Variants in CNTNAP5 observed in about 807,000 individuals in gnomAD.
CNTNAP5 encodes the protein contactin associated protein family member 5.
CNTNAP5 carries 72 observed loss-of-function variants against 150.2 expected under a neutral mutation model. The ratio of observed to expected loss-of-function variants is 0.48; its 90% CI spans 0.40 to 0.58. The LOEUF is 0.58. Among genes scored for constraint, CNTNAP5 ranks in the 20% least tolerant of loss-of-function variants. The pLI is 0.00. For synonymous variants in CNTNAP5, 672 were observed against 619.8 expected (o/e 1.08, Z -1.25); for missense variants, 1,636 against 1,626.2 (o/e 1.01, Z -0.10).
intron 8 of CNTNAP5, among the ~76,000 whole-genome samples, chr2:124,510,518 T>TAC (rs1553474715): frequency 1.2e-3 from 153 of 124,872 alleles, no homozygotes; most frequent in Admixed American, 2.2e-3. Context: ...TATATATATA[T>TAC]ACATATATCT....
chr2:124,529,015 G>T (rs932285476), intron 10 of CNTNAP5, among the ~76,000 whole-genome samples: 5 of 151,610 alleles, frequency 3.3e-5, no homozygotes, highest in Non-Finnish European at 5.9e-5. Context: ...ACTATGCATG[G>T]GATCATCAAC....
intron 10 of CNTNAP5, among the ~76,000 whole-genome samples, chr2:124,550,817 A>G (rs1695611532): frequency 6.6e-6 from 1 of 152,084 alleles, no homozygotes; most frequent in Non-Finnish European, 1.5e-5. Flanking sequence ...TCCTTTGTGA[A>G]TTTTTTGATA....
At chr2:124,479,956 G>T (rs910160691) in intron 7 of CNTNAP5, among the ~76,000 whole-genome samples, 1 of 152,112 alleles carries the variant, frequency 6.6e-6, no homozygotes, top group South Asian at 2.1e-4. Context: ...GCAGTGCATG[G>T]TACACACTAA....
chr2:124,307,845 A>G (rs868249800), intron 3 of CNTNAP5, among the ~76,000 whole-genome samples: 20 of 152,324 alleles, frequency 1.3e-4, no homozygotes, highest in Middle Eastern at 3.4e-3. Flanking sequence ...CCATAGCTTT[A>G]CCAGAGTCTT....
intron 19 of CNTNAP5, among the ~76,000 whole-genome samples, chr2:124,827,891 A>G (rs1393392907): frequency 6.6e-6 from 1 of 152,070 alleles, no homozygotes; most frequent in Admixed American, 6.6e-5. Context: ...GTTTTCTTGG[A>G]CCAAGGCTCT....
chr2:124,671,226 A>G (rs1306008215), intron 13 of CNTNAP5, among the ~76,000 whole-genome samples: 1 of 152,232 alleles, frequency 6.6e-6, no homozygotes, highest in Non-Finnish European at 1.5e-5. Context: ...TGTTAAGCTA[A>G]GCATAGGCAT....
chr2:124,434,987 A>C (rs926884246), intron 5 of CNTNAP5, among the ~76,000 whole-genome samples: 6 of 152,198 alleles, frequency 3.9e-5, no homozygotes, highest in African/African-American at 1.4e-4. Flanking sequence ...AAGTATATAC[A>C]CATATTATAA....
intron 19 of CNTNAP5, among the ~76,000 whole-genome samples, chr2:124,824,349 C>A (rs1573641655): frequency 6.6e-6 from 1 of 152,178 alleles, no homozygotes; most frequent in Middle Eastern, 3.4e-3. Flanking sequence ...GCTGCTTATT[C>A]CTCTGCTGTA....
At chr2:124,297,386 A>T (rs932636111) in intron 3 of CNTNAP5, among the ~76,000 whole-genome samples, 13 of 152,148 alleles carry the variant, frequency 8.5e-5, no homozygotes, top group African/African-American at 2.9e-4. Context: ...AATGCACAGG[A>T]ATGATACACC....
At chr2:124,092,247 A>G (rs550242171) in intron 1 of CNTNAP5, among the ~76,000 whole-genome samples, 1 of 152,316 alleles carries the variant, frequency 6.6e-6, no homozygotes, top group South Asian at 2.1e-4. Flanking sequence ...CCAGAGTTAC[A>G]TTTCTGTGGG....
intron 1 of CNTNAP5, among the ~76,000 whole-genome samples, chr2:124,051,585 C>T (rs1681696460): frequency 6.6e-6 from 1 of 152,188 alleles, no homozygotes; most frequent in South Asian, 2.1e-4. Context: ...AAATTATACG[C>T]TTTGTAGCAG....
intron 7 of CNTNAP5, among the ~76,000 whole-genome samples, chr2:124,487,394 T>C (rs1284088541): frequency 2.6e-5 from 4 of 152,182 alleles, no homozygotes; most frequent in Non-Finnish European, 4.4e-5. Context: ...GCATTTGATG[T>C]GTCTGACAGA....
intron 3 of CNTNAP5, among the ~76,000 whole-genome samples, chr2:124,394,647 C>T (rs774217666): frequency 6.6e-6 from 1 of 152,138 alleles, no homozygotes; most frequent in Non-Finnish European, 1.5e-5. Flanking sequence ...ATATGCTTTG[C>T]CTTTCATTCT....
At chr2:124,831,461 T>A (rs1682714980) in intron 19 of CNTNAP5, among the ~76,000 whole-genome samples, 1 of 151,742 alleles carries the variant, frequency 6.6e-6, no homozygotes. Context: ...TTAGATAAAA[T>A]TGTCCTTTTT....
intron 12 of CNTNAP5, among the ~76,000 whole-genome samples, chr2:124,625,241 G>A (rs549372841): frequency 5.5e-4 from 84 of 152,112 alleles, no homozygotes; most frequent in Non-Finnish European, 8.8e-4. Flanking sequence ...CTCCGTGTCC[G>A]TCACTTTCCT....
chr2:124,742,227 A>C (rs902076003), intron 13 of CNTNAP5, among the ~76,000 whole-genome samples: 3 of 152,178 alleles, frequency 2.0e-5, no homozygotes, highest in African/African-American at 7.2e-5. Context: ...GTTAAATAGT[A>C]GTTTTGCAAA....
At chr2:124,745,079 G>A (rs1311664685) in intron 13 of CNTNAP5, among the ~76,000 whole-genome samples, 1 of 151,700 alleles carries the variant, frequency 6.6e-6, no homozygotes, top group Non-Finnish European at 1.5e-5. Flanking sequence ...AGATGTTGAT[G>A]GATTCAAAAC....
chr2:124,079,170 C>T (rs1023887748), intron 1 of CNTNAP5, among the ~76,000 whole-genome samples: 7 of 152,160 alleles, frequency 4.6e-5, no homozygotes, highest in African/African-American at 1.7e-4. Context: ...GCAAAAACAC[C>T]TGTTACGTTA....
intron 6 of CNTNAP5, among the ~76,000 whole-genome samples, chr2:124,461,250 C>G (rs1393447121): frequency 6.6e-6 from 1 of 152,018 alleles, no homozygotes; most frequent in Non-Finnish European, 1.5e-5. Context: ...CGGCACTATT[C>G]ACAATAGCAA....
Sources: gnomAD v4.1 joint callset for allele counts (sites outside exome capture counted in the v4.1 genomes callset) on GRCh38, gnomAD v4.1.1 for gene constraint, MANE v1.5 for transcripts, NCBI Gene and HGNC (gene_info 2026-07-23, HGNC 2026-07-21) for gene names.